Variants in GRIK3 observed in about 807,000 individuals in gnomAD.
GRIK3 encodes the protein glutamate ionotropic receptor kainate type subunit 3, also known as glutamate receptor ionotropic, kainate 3.
Under a neutral mutation model 102.5 loss-of-function variants are expected in GRIK3, and 29 were observed. The observed-to-expected ratio is 0.28, with a 90% CI of 0.21 to 0.39. The LOEUF (loss-of-function observed/expected upper bound fraction) is 0.39. Ranked by LOEUF, GRIK3 falls within the 10% of genes least tolerant of loss-of-function variation. The probability of loss-of-function intolerance (pLI) is 1.00; values close to 1 mark genes in which losing one functional copy is unlikely to be tolerated. For missense variants in GRIK3, 908 were observed against 1,252.4 expected, an observed-to-expected ratio of 0.73 and a Z score of 4.15; for synonymous variants, 511 against 504.9, an observed-to-expected ratio of 1.01 and a Z score of -0.16.
chr1:36,948,344 G>C (rs1476801502), intron 1 of GRIK3, among the ~76,000 whole-genome samples: 4 of 152,334 alleles, frequency 2.6e-5, no homozygotes, highest in African/African-American at 9.6e-5. Context: ...CTACGTGCCA[G>C]GCTCCATGCT....
At chr1:36,804,007 C>T (rs557596127) in intron 15 of GRIK3, among the ~76,000 whole-genome samples, 12 of 152,302 alleles carry the variant, frequency 7.9e-5, no homozygotes, top group African/African-American at 1.9e-4. Flanking sequence ...CTGAACATAC[C>T]GTGAAGTTGC....
Position 36,836,042 on chromosome 1 carries a change from C to T in GRIK3, c.1530+5694G>A, listed in dbSNP as rs1025517308. On this transcript the variant is annotated intron_variant, in intron 10 of 15. Coordinates refer to ENST00000373091, the MANE Select transcript of GRIK3 (RefSeq NM_000831.4). ...AGTCCAGCTTTGCAGTTTCCCCTGCCCTCAACTGCCCTGTCCCCTCCAGGA... is the reference window on the plus strand; with the variant it reads ...AGTCCAGCTTTGCAGTTTCCCCTGCTCTCAACTGCCCTGTCCCCTCCAGGA... 2.0e-5 allele frequency among the ~76,000 whole-genome samples: 3 copies of T among 152,196 alleles called. 1 individual carries two copies. The highest frequency in any genetic ancestry group is 2.0e-4 in the Admixed American group (3 of 15,282).
At chr1:36,882,245 T>C (rs1640988961) in intron 2 of GRIK3, among the ~76,000 whole-genome samples, 1 of 152,202 alleles carries the variant, frequency 6.6e-6, no homozygotes, top group Non-Finnish European at 1.5e-5. Flanking sequence ...GAATGTTGAA[T>C]GAATGCCGAA....
chr1:36,824,916 G>A (rs1168566469), intron 11 of GRIK3, among the ~76,000 whole-genome samples: 2 of 152,196 alleles, frequency 1.3e-5, no homozygotes, highest in Admixed American at 1.3e-4. Flanking sequence ...CCTCTTTAAG[G>A]GAGGCTGGAA....
chr1:36,918,944 G>T (rs1394439846), intron 1 of GRIK3, among the ~76,000 whole-genome samples: 1 of 152,178 alleles, frequency 6.6e-6, no homozygotes, highest in African/African-American at 2.4e-5. Context: ...ACTGTTCCAG[G>T]CACTGGAGAT....
Position 37,034,333 on chromosome 1 carries a change from C to T in GRIK3, c.-225G>A, listed in dbSNP as rs1001054337. Among the ~76,000 whole-genome samples, 3 of 149,882 alleles carry T rather than the reference C, an allele frequency of 2.0e-5. No individual in the cohort carries two copies. Among genetic ancestry groups the T allele is most frequent in the African/African-American group, 7.3e-5 (3 of 41,074 alleles). On this transcript the variant is annotated 5_prime_UTR_variant, in exon 1 of 16. Transcript: ENST00000373091. ...CTGGCTGCCGCCCACGGGCTGCCCG[C>T]GAGCGAGGCTCCTGGGCTCCGCCCG...
At chr1:36,889,328 G>T (rs923430370) in intron 2 of GRIK3, among the ~76,000 whole-genome samples, 8 of 151,606 alleles carry the variant, frequency 5.3e-5, no homozygotes, top group Non-Finnish European at 8.8e-5. Flanking sequence ...ATGTGCGGAA[G>T]CCCAGAGGTG....
chr1:36,854,934 A>G (rs1452167459), intron 7 of GRIK3, among the ~76,000 whole-genome samples: 2 of 152,192 alleles, frequency 1.3e-5, no homozygotes, highest in Non-Finnish European at 2.9e-5. Context: ...GCAGAGCCAA[A>G]CTAGAACCCG....
At chr1:36,847,625 G>A (rs147397625) in intron 9 of GRIK3, among the ~76,000 whole-genome samples, 10 of 152,314 alleles carry the variant, frequency 6.6e-5, no homozygotes, top group East Asian at 3.9e-4. Flanking sequence ...CACTTAGACC[G>A]CACTCTGTGC....
In GRIK3 at chr1:36,958,352, A is replaced by G. The variant is rs1292736114; in HGVS notation, c.116-67256T>C. Among the ~76,000 whole-genome samples, 4 of 51,264 alleles carry G rather than the reference A, an allele frequency of 7.8e-5. 1 individual carries two copies. The highest frequency in any genetic ancestry group is 1.3e-4 in the Non-Finnish European group (4 of 30,786). The allele number at this position is 51,264 out of a possible 152,430, so 33.6% of individuals were successfully genotyped here. A position where few individuals can be genotyped will look rare whatever the true frequency, so the allele number is the denominator to read the frequency against. ...CCCCATGAGCCTGTGTGCTCTTTGA[A>G]TCTTTGCTCCATGAGCCTGTGTGCT... On this transcript the variant is annotated intron_variant, in intron 1 of 15. Coordinates refer to ENST00000373091, the MANE Select transcript of GRIK3 (RefSeq NM_000831.4).
intron 1 of GRIK3, among the ~76,000 whole-genome samples, chr1:36,977,063 C>G (rs1642203444): frequency 6.6e-6 from 1 of 152,186 alleles, no homozygotes; most frequent in African/African-American, 2.4e-5. Flanking sequence ...CCCCTCCCCT[C>G]CCCACAGGAA....
intron 1 of GRIK3, among the ~76,000 whole-genome samples, chr1:36,962,640 A>AAGAGAGAGAGAGAG (rs5773557): frequency 6.9e-6 from 1 of 144,974 alleles, no homozygotes; most frequent in Non-Finnish European, 1.5e-5. Context: ...GAGGGAGAGG[A>AAGAGAGAGAGAGAG]AGAGAGAGAG....
intron 1 of GRIK3, among the ~76,000 whole-genome samples, chr1:36,959,751 T>TAAG (rs1641979323): frequency 1.1e-5 from 1 of 93,968 alleles, no homozygotes; most frequent in Non-Finnish European, 2.2e-5. Flanking sequence ...GTGCGCCCCA[T>TAAG]TGAGTCTGTG....
intron 1 of GRIK3, among the ~76,000 whole-genome samples, chr1:37,030,386 T>C (rs1642810321): frequency 6.6e-6 from 1 of 152,186 alleles, no homozygotes; most frequent in Admixed American, 6.5e-5. Context: ...GTTTGGGAAC[T>C]CTGAGGGAGG....
intron 1 of GRIK3, among the ~76,000 whole-genome samples, chr1:37,005,698 C>G (rs998927724): frequency 4.6e-5 from 7 of 152,180 alleles, no homozygotes; most frequent in Non-Finnish European, 8.8e-5. Flanking sequence ...ATCGTTTGTT[C>G]ACTTGTCAGT....
intron 8 of GRIK3, among the ~76,000 whole-genome samples, chr1:36,851,320 C>T (rs1640582143): frequency 6.6e-6 from 1 of 152,224 alleles, no homozygotes; most frequent in Non-Finnish European, 1.5e-5. Flanking sequence ...CAGCTATGAC[C>T]CGGCTTAGCA....
intron 12 of GRIK3, among the ~76,000 whole-genome samples, chr1:36,818,581 G>A (rs1016026901): frequency 1.3e-5 from 2 of 152,200 alleles, no homozygotes; most frequent in Non-Finnish European, 2.9e-5. Context: ...CCCTGCCCTG[G>A]CCTCTGCCAT....
intron 6 of GRIK3, 92 bp downstream of exon 6, chr1:36,859,752 G>A: frequency 9.7e-7 from 1 of 1,033,618 alleles, no homozygotes; most frequent in Non-Finnish European, 1.5e-6. Flanking sequence ...AAGAGAAGTG[G>A]TGGAGGGAAG....
At chr1:36,860,588 C>T (rs1228032499) in intron 5 of GRIK3, among the ~76,000 whole-genome samples, 1 of 152,202 alleles carries the variant, frequency 6.6e-6, no homozygotes, top group Admixed American at 6.5e-5. Context: ...GCCTGTCTGT[C>T]GTGGGCCAGG....
Sources: gnomAD v4.1 joint callset for allele counts (sites outside exome capture counted in the v4.1 genomes callset) on GRCh38, gnomAD v4.1.1 for gene constraint, MANE v1.5 for transcripts, NCBI Gene and HGNC (gene_info 2026-07-23, HGNC 2026-07-21) for gene names.